Variants in CEP131 observed in about 807,000 individuals in gnomAD.
CEP131 encodes the protein centrosomal protein 131.
In CEP131, 99 loss-of-function variants were observed where a neutral mutation model predicts 136.8. The observed-to-expected ratio is 0.72, with a 90% CI of 0.62 to 0.86. The LOEUF (loss-of-function observed/expected upper bound fraction) is 0.86. Among genes scored for constraint, CEP131 ranks in the 40% least tolerant of loss-of-function variants. CEP131 has a pLI of 0.00. For synonymous variants in CEP131, 646 were observed against 612.7 expected (o/e 1.05, Z -0.80); for missense variants, 1,459 against 1,463.0 (o/e 1.00, Z 0.04).
chr17:81,194,616 G>A (rs2061714137), intron 17 of CEP131, among the ~76,000 whole-genome samples: 1 of 152,236 alleles, frequency 6.6e-6, no homozygotes, highest in South Asian at 2.1e-4. Context: ...GTGAGGCACT[G>A]AGCCCCCTCG....
At chr17:81,196,891 G>A (rs2061768344) in intron 14 of CEP131, 39 bp downstream of exon 14, 1 of 1,606,598 alleles carries the variant, frequency 6.2e-7, no homozygotes, top group Non-Finnish European at 8.5e-7. Flanking sequence ...CAGGTAGGAG[G>A]CTAGCAGGGC....
chr17:81,198,247 C>T lies in CEP131; in HGVS notation c.1338G>A (p.Pro446=), dbSNP rs137923843. Reference sequence around the variant, plus strand: ...CCCTGGACTTGGCGCTCCCCCTGCTCGGGGCCATCATCTCCAGGTTGTCCC... The same window carrying T: ...CCCTGGACTTGGCGCTCCCCCTGCTTGGGGCCATCATCTCCAGGTTGTCCC... The part of the protein sequence containing the change: ...AAGDNLEMMA[P]SRGSAKSRGP... Residue 446 remains proline (P), a synonymous_variant, in exon 12 of 26, where the codon CCG becomes CCA. Coordinates refer to ENST00000450824, the MANE Select transcript of CEP131 (RefSeq NM_014984.4). 38 of 1,603,574 alleles carry T rather than the reference C, an allele frequency of 2.4e-5. No homozygotes were observed. In the African/African-American group the frequency reaches 3.9e-4, roughly 16 times the overall value.
chr17:81,203,406 T>C lies in CEP131; in HGVS notation c.629+88A>G. On this transcript the variant is annotated intron_variant, in intron 6 of 25. Transcript: ENST00000450824. This position sits in a 1 kb window ranked among gnomAD's most constrained non-coding sequence, Gnocchi z 4.6. ...CCCTGTGTGAACTGACCGCGTGCCC[T>C]GACCGAGGTCGGACCCCAGGTGCAC... is the stretch of plus-strand genomic sequence containing the variant. 2 of 1,091,302 alleles carry C rather than the reference T, an allele frequency of 1.8e-6. No homozygotes were observed. The highest frequency in any genetic ancestry group is 4.1e-5 in the Admixed American group (2 of 48,458). The allele number at this position is 1,091,302 out of a possible 1,614,324, so 67.6% of individuals were successfully genotyped here. A position where few individuals can be genotyped will look rare whatever the true frequency, so the allele number is the denominator to read the frequency against.
rs975752589 is a variant in CEP131, at chr17:81,191,056, C to T, written c.2794G>A (p.Ala932Thr). 2 of 1,608,098 alleles carry T rather than the reference C, an allele frequency of 1.2e-6. No individual in the cohort carries two copies. The highest frequency in any genetic ancestry group is 2.7e-5 in the African/African-American group (2 of 74,842). The stretch of plus-strand genomic sequence containing the variant: ...GACTGCTCCAGCTCGGAGAGCTCGG[C>T]CTCGTACTTGTCCCGTAAGCGCTTG... ...RIKRLRDKYE[A>T]ELSELEQSER... Residue 932 changes from alanine to threonine, a missense_variant, in exon 23 of 26, where the codon GCC becomes ACC. By Grantham distance (58) the Ala-to-Thr change is moderately conservative (BLOSUM62 0). Around this residue, in one of 3 missense-constraint regions of CEP131, gnomAD observed 1,026 missense variants for 964.2 expected, o/e 1.06. Transcript: ENST00000450824.
intron 3 of CEP131, among the ~76,000 whole-genome samples, chr17:81,207,934 ACCATACAC>A (rs2062045314): frequency 6.9e-6 from 1 of 145,268 alleles, no homozygotes; most frequent in Non-Finnish European, 1.5e-5. Flanking sequence ...CACACCACAC[ACCATACAC>A]CACACACACC....
intron 5 of CEP131, among the ~76,000 whole-genome samples, chr17:81,205,945 C>T (rs2062000124): frequency 6.6e-6 from 1 of 152,120 alleles, no homozygotes; most frequent in African/African-American, 2.4e-5. Context: ...GTGGCTCACG[C>T]CTATAATCCC....
At chr17:81,199,986 A>C (rs1598287506) in intron 8 of CEP131, 151 bp from the exon 9 acceptor site, 2 of 767,918 alleles carry the variant, frequency 2.6e-6, no homozygotes. Context: ...AGGACCTTGA[A>C]CCTGCCATTT....
chr17:81,191,980 T>A (rs1344178803), intron 21 of CEP131, among the ~76,000 whole-genome samples: 1 of 151,974 alleles, frequency 6.6e-6, no homozygotes, highest in Non-Finnish European at 1.5e-5. Flanking sequence ...GGGGAGCCCC[T>A]GTTGTGCGTG....
In CEP131 at chr17:81,191,044, C is replaced by T. The variant is rs770242250; in HGVS notation, c.2806G>A (p.Glu936Lys). 12 of 1,609,892 alleles carry T rather than the reference C, an allele frequency of 7.5e-6. No individual in the cohort carries two copies. The highest frequency in any genetic ancestry group is 1.6e-4 in the Middle Eastern group (1 of 6,076). ...LRDKYEAELS[E>K]LEQSERKLQE... ...AGCTTCCGCTCCGACTGCTCCAGCT[C>T]GGAGAGCTCGGCCTCGTACTTGTCC... Residue 936 changes from glutamate (E) to lysine (K), a missense_variant, in exon 23 of 26, where the codon GAG becomes AAG. Glu to Lys is a moderately conservative substitution (Grantham distance 56). Transcript: ENST00000450824.
intron 4 of CEP131, 92 bp downstream of exon 4, chr17:81,207,033 T>C: frequency 6.6e-7 from 1 of 1,514,626 alleles, no homozygotes; most frequent in Admixed American, 2.0e-5. Flanking sequence ...CTCCCTGCAG[T>C]GCCCTTTTGC....
Position 81,220,073 on chromosome 17 carries a change from C to A in CEP131, c.-17G>T. 6.5e-7 allele frequency: 1 copy of A among 1,529,560 alleles called. No individual in the cohort carries two copies. Among genetic ancestry groups the A allele is most frequent in the Non-Finnish European group, 8.8e-7 (1 of 1,140,230 alleles). 94.7% of individuals were successfully genotyped at this position (1,529,560 alleles called of 1,614,324 possible). ...GCCTTTCATGGTGGACAAGGCAGGT[C>A]CTGAGCGGGGAAGCAAGAGCTGCAA... On this transcript the variant is annotated splice_region_variant and 5_prime_UTR_variant, in exon 2 of 26. Coordinates refer to ENST00000450824, the MANE Select transcript of CEP131 (RefSeq NM_014984.4).
At position 81,203,449 on chromosome 17, in the gene CEP131, T is replaced by G. The variant is rs1450465634; in HGVS notation, c.629+45A>C. 1.3e-6 allele frequency: 2 copies of G among 1,484,610 alleles called. No homozygotes were observed. The highest frequency in any genetic ancestry group is 1.8e-6 in the Non-Finnish European group (2 of 1,091,172). 92.0% of individuals were successfully genotyped at this position (1,484,610 alleles called of 1,614,324 possible). A position where few individuals can be genotyped will look rare whatever the true frequency, so the allele number is the denominator to read the frequency against. ...AGGTGCACTGACTACATGCCCTAAC[T>G]GAGGTCGGACCCCGCAGCCCCGCGG... On this transcript the variant is annotated intron_variant, in intron 6 of 25. Transcript: ENST00000450824. This position sits in a 1 kb window ranked among gnomAD's most constrained non-coding sequence, Gnocchi z 4.6.
chr17:81,218,250 C>T (rs2062299509), intron 2 of CEP131, among the ~76,000 whole-genome samples: 1 of 152,180 alleles, frequency 6.6e-6, no homozygotes, highest in Non-Finnish European at 1.5e-5. Context: ...ACTATGTTGG[C>T]CAGGCTGGTA....
rs1452192626 is a variant in CEP131, at chr17:81,197,023, C to T, written c.1680G>A (p.Leu560=). 14 of 1,593,400 alleles carry T rather than the reference C, an allele frequency of 8.8e-6. No homozygotes were observed. The highest frequency in any genetic ancestry group is 1.2e-5 in the Non-Finnish European group (14 of 1,170,192). The change falls in exon 14 of 26, where the codon CTG becomes CTA. Residue 560 remains leucine, a synonymous_variant. Coordinates refer to ENST00000450824, the MANE Select transcript of CEP131 (RefSeq NM_014984.4). ...GWVPEAGPGP[L]ELGSEVSTSV... ...ACGTGCTCACCTCGGACCCCAGCTC[C>T]AGGGGCCCCGGCCCCGCCTCCGGCA...
chr17:81,214,180 CTGGGTGCGGT>C (rs2062192866), intron 2 of CEP131, among the ~76,000 whole-genome samples: 1 of 152,232 alleles, frequency 6.6e-6, no homozygotes, highest in African/African-American at 2.4e-5. Context: ...ATAGCAGAGA[CTGGGTGCGGT>C]ACAGGGGAAC....
chr17:81,201,458 C>G (rs75478285), intron 7 of CEP131, among the ~76,000 whole-genome samples: 1 of 152,202 alleles, frequency 6.6e-6, no homozygotes, highest in Non-Finnish European at 1.5e-5. Context: ...CAGCCCCCAA[C>G]AGTCATCATC....
In CEP131 at chr17:81,220,036, G is replaced by A. The variant is rs774470906; in HGVS notation, c.21C>T (p.Ile7=). 5.1e-5 allele frequency: 81 copies of A among 1,593,502 alleles called. No individual in the cohort carries two copies. The highest frequency in any genetic ancestry group is 6.3e-5 in the Non-Finnish European group (74 of 1,170,922). ...CTGGGCTGCGCTCCGGGACGCTGCC[G>A]ATGGCCCGGGTGCCTTTCATGGTGG... is the stretch of plus-strand genomic sequence containing the variant. MKGTRA[I]GSVPERSPAG... Residue 7 remains isoleucine, a synonymous_variant, in exon 2 of 26, where the codon ATC becomes ATT. Coordinates refer to ENST00000450824, the MANE Select transcript of CEP131 (RefSeq NM_014984.4).
rs1015961431 is a variant in CEP131, at chr17:81,208,435, G to A, written c.272+493C>T. 1.3e-5 allele frequency among the ~76,000 whole-genome samples: 2 copies of A among 152,098 alleles called. No individual in the cohort carries two copies. Among genetic ancestry groups the A allele is most frequent in the Admixed American group, 6.6e-5 (1 of 15,266 alleles). On this transcript the variant is annotated intron_variant, in intron 3 of 25. Coordinates refer to ENST00000450824, the MANE Select transcript of CEP131 (RefSeq NM_014984.4). This position sits in a 1 kb window ranked among gnomAD's most constrained non-coding sequence, Gnocchi z 5.6. The stretch of plus-strand genomic sequence containing the variant: ...CCCCCGGAGGCTGCTGGCCACCACC[G>A]GCTCCACTCCCCACAACACCCCCAC...
intron 13 of CEP131, 199 bp downstream of exon 13, chr17:81,197,513 T>G: frequency 5.2e-6 from 4 of 768,512 alleles, no homozygotes; most frequent in Non-Finnish European, 6.0e-6. Flanking sequence ...GAGAGACCCG[T>G]GGGGGGTGCT....
Sources: allele counts gnomAD v4.1 joint callset (sites outside exome capture counted in the v4.1 genomes callset), GRCh38; gene constraint gnomAD v4.1.1; regional missense constraint gnomAD v4.1.1; non-coding constraint Gnocchi (gnomAD v3.1); transcripts MANE v1.5; gene names NCBI Gene and HGNC (gene_info 2026-07-23, HGNC 2026-07-21).